The following URI1 variants were observed in gnomAD, a reference collection of about 807,000 sequenced individuals.
URI1 encodes URI1 prefoldin like chaperone.
URI1 carries 39 observed loss-of-function variants against 60.2 expected under a neutral mutation model. The observed-to-expected ratio is 0.65, with a 90% confidence interval of 0.50 to 0.85. The LOEUF (loss-of-function observed/expected upper bound fraction) is 0.85. Ranked by LOEUF, URI1 falls within the 40% of genes least tolerant of loss-of-function variation. The pLI is 0.00. For missense variants in URI1, 691 were observed against 665.9 expected, an observed-to-expected ratio of 1.04 and a Z score of -0.42; for synonymous variants, 251 against 236.8, an observed-to-expected ratio of 1.06 and a Z score of -0.55.
chr19:29,972,659 A>G (rs1341409928), intron 2 of URI1, among the ~76,000 whole-genome samples: 3 of 152,152 alleles, frequency 2.0e-5, no homozygotes, highest in Non-Finnish European at 2.9e-5. Context: ...CCCTACTGCT[A>G]TGTTTGGCAC....
intron 1 of URI1, among the ~76,000 whole-genome samples, chr19:29,964,399 GA>G (rs2055363446): frequency 6.6e-6 from 1 of 151,084 alleles, no homozygotes; most frequent in Non-Finnish European, 1.5e-5. Context: ...GATTTAGTGT[GA>G]TTTGAGATTT....
At position 30,000,793 on chromosome 19, in the gene URI1, C is replaced by CT. The variant is rs558439478; in HGVS notation, c.368-4562dup. On this transcript the variant is annotated intron_variant, in intron 4 of 10. Transcript: ENST00000392271. The stretch of plus-strand genomic sequence containing the variant: ...ATTTGTTTGCTAGTGCTTAGTAGGC[C>CT]TTTTTTGAGTGGAGGCTTAAGTCCT... Among the ~76,000 whole-genome samples, 40 of 151,722 alleles carry CT rather than the reference C, an allele frequency of 2.6e-4. 1 individual carries two copies. The highest frequency in any genetic ancestry group is 4.6e-4 in the Non-Finnish European group (31 of 67,864).
At chr19:29,931,147 C>T (rs2054913822) in intron 1 of URI1, among the ~76,000 whole-genome samples, 1 of 152,066 alleles carries the variant, frequency 6.6e-6, no homozygotes, top group African/African-American at 2.4e-5. Flanking sequence ...GACCAGTTTG[C>T]CTACTTCTGC....
At chr19:29,994,734 G>T (rs937890691) in intron 4 of URI1, among the ~76,000 whole-genome samples, 1 of 151,550 alleles carries the variant, frequency 6.6e-6, no homozygotes, top group African/African-American at 2.4e-5. Context: ...ATTATTTGGG[G>T]TGTATATCTG....
intron 4 of URI1, among the ~76,000 whole-genome samples, chr19:29,989,272 G>A (rs940030349): frequency 5.3e-5 from 8 of 151,728 alleles, no homozygotes; most frequent in African/African-American, 1.9e-4. Context: ...CACCATGCCC[G>A]GCTAATTTTT....
intron 1 of URI1, among the ~76,000 whole-genome samples, chr19:29,936,616 G>C: frequency 6.6e-6 from 1 of 152,026 alleles, no homozygotes; most frequent in East Asian, 1.9e-4. Flanking sequence ...CATCAAATTT[G>C]GGAAGTTTTC....
intron 2 of URI1, among the ~76,000 whole-genome samples, chr19:29,981,066 CTT>C (rs1057359644): frequency 1.7e-4 from 26 of 150,204 alleles, no homozygotes; most frequent in Admixed American, 4.6e-4. Context: ...AGGTTGGAGT[CTT>C]TATCACTGGC....
chr19:29,952,081 A>G (rs1454736437), intron 1 of URI1, among the ~76,000 whole-genome samples: 1 of 152,238 alleles, frequency 6.6e-6, no homozygotes, highest in African/African-American at 2.4e-5. Flanking sequence ...AATATACCAG[A>G]AAAAGCAGTC....
intron 1 of URI1, among the ~76,000 whole-genome samples, chr19:29,931,910 T>TTGTGTGTGTG (rs56181840): frequency 0.21 from 30,027 of 139,744 alleles, 3,637 homozygotes; most frequent in Middle Eastern, 0.32. Flanking sequence ...GCTCTAACAG[T>TTGTGTGTGTG]TGTGTGTGTG....
intron 4 of URI1, among the ~76,000 whole-genome samples, chr19:29,992,260 G>A (rs866632551): frequency 2.0e-5 from 3 of 152,104 alleles, no homozygotes; most frequent in South Asian, 4.1e-4. Context: ...TATAGAGATG[G>A]GGTTTCACCA....
intron 9 of URI1, among the ~76,000 whole-genome samples, chr19:30,011,745 A>C (rs2056023191): frequency 6.6e-6 from 1 of 151,968 alleles, no homozygotes; most frequent in Non-Finnish European, 1.5e-5. Flanking sequence ...GTGGGTCTAA[A>C]ACTTTATGTA....
At chr19:29,930,620 C>T (rs1202120956) in intron 1 of URI1, among the ~76,000 whole-genome samples, 1 of 151,882 alleles carries the variant, frequency 6.6e-6, no homozygotes, top group Non-Finnish European at 1.5e-5. Context: ...AAAATCAGTA[C>T]GCGAGAGGGT....
In URI1 at chr19:30,011,720, T is replaced by A. The variant is rs1301001170; in HGVS notation, c.1178+484T>A. On this transcript the variant is annotated intron_variant, in intron 9 of 10. Transcript: ENST00000392271. ...ACCCTTATTTATAAATCAGTGAAAA[T>A]TGCTAAATGTATACGTGGGTCTAAA... Among the ~76,000 whole-genome samples the A allele has an allele frequency of 2.0e-5, 3 of 151,680 alleles. No individual in the cohort carries two copies. The South Asian group carries it at 6.2e-4, about 32-fold the overall frequency.
At chr19:29,943,035 A>G (rs1053077509) in intron 1 of URI1, among the ~76,000 whole-genome samples, 22 of 152,304 alleles carry the variant, frequency 1.4e-4, no homozygotes, top group African/African-American at 4.6e-4. Context: ...ATTGCACGGA[A>G]AAGTTTTACC....
chr19:29,926,252 CTT>C lies in URI1; in HGVS notation c.63+2499_63+2500del, dbSNP rs1240663023. Among the ~76,000 whole-genome samples, 211 of 140,636 alleles carry C rather than the reference CTT, an allele frequency of 1.5e-3. 1 individual carries two copies. The highest frequency in any genetic ancestry group is 5.6e-3 in the African/African-American group (206 of 36,592). 92.3% of individuals were successfully genotyped at this position (140,636 alleles called of 152,430 possible). The stretch of plus-strand genomic sequence containing the variant: ...TCCTCTCTCCTTCCTTCCTTCCTTC[CTT>C]CCTTCCTTCCTTCCTTCCTTCCTTC... On this transcript the variant is annotated intron_variant, in intron 1 of 10. Coordinates refer to the URI1 transcript ENST00000360605.
At chr19:29,947,041 T>C (rs1292651147) in intron 1 of URI1, among the ~76,000 whole-genome samples, 1 of 152,192 alleles carries the variant, frequency 6.6e-6, no homozygotes, top group Non-Finnish European at 1.5e-5. Flanking sequence ...CAGAGAGGGC[T>C]TCTCTGTTAG....
At chr19:29,923,845 C>T (rs1236376804) in intron 1 of URI1, 3 of 1,289,366 alleles carry the variant, frequency 2.3e-6, no homozygotes, top group African/African-American at 2.9e-5. Context: ...GTCAGAGAAA[C>T]AGAATGAACA....
At chr19:30,007,119 T>C (rs1369959289) in intron 6 of URI1, among the ~76,000 whole-genome samples, 1 of 152,098 alleles carries the variant, frequency 6.6e-6, no homozygotes, top group Non-Finnish European at 1.5e-5. Flanking sequence ...CAGGGTGCAT[T>C]GTGGCCATTT....
intron 4 of URI1, among the ~76,000 whole-genome samples, chr19:29,988,754 C>G (rs1431192542): frequency 6.6e-6 from 1 of 152,160 alleles, no homozygotes; most frequent in East Asian, 1.9e-4. Flanking sequence ...CCTTTGTGTA[C>G]AGGTTTTTGT....
Sources: gnomAD v4.1 joint callset for allele counts (sites outside exome capture counted in the v4.1 genomes callset) on GRCh38, gnomAD v4.1.1 for gene constraint, MANE v1.5 for transcripts, NCBI Gene and HGNC (gene_info 2026-07-23, HGNC 2026-07-21) for gene names.